The following ABR variants were observed in gnomAD, a reference collection of about 807,000 sequenced individuals.
ABR encodes active breakpoint cluster region-related protein.
A neutral mutation model predicts 107.2 loss-of-function variants in ABR; 35 were observed. That is an observed-to-expected ratio of 0.33 (90% CI 0.25 to 0.43). The LOEUF is 0.43. Among genes scored for constraint, ABR ranks in the 20% least tolerant of loss-of-function variants. ABR has a pLI of 1.00. For missense variants in ABR, 815 were observed against 1,115.2 expected (o/e 0.73, Z 3.83); for synonymous variants, 498 against 462.0 (o/e 1.08, Z -1.00).
chr17:1,012,578 G>A (rs772207754), intron 18 of ABR, 110 bp downstream of exon 18: 7 of 803,810 alleles, frequency 8.7e-6, no homozygotes, highest in South Asian at 1.4e-5. Flanking sequence ...CGAGCGGGGG[G>A]TAACTGATTA....
chr17:1,032,660 G>GCAGAGGACGCCACAGGCAACCACCCGTGT (rs1473480086), intron 16 of ABR, among the ~76,000 whole-genome samples: 4 of 149,060 alleles, frequency 2.7e-5, no homozygotes, highest in Non-Finnish European at 4.5e-5. Flanking sequence ...CGTGCTGGGC[G>GCAGAGGACGCCACAGGCAACCACCCGTGT]CCTTGAGAGA....
In ABR at chr17:1,117,117, CTCCCAG is replaced by C. The variant is rs2039032260; in HGVS notation, c.246+8060_246+8065del. Among the ~76,000 whole-genome samples, 2 of 116,460 alleles carry C rather than the reference CTCCCAG, an allele frequency of 1.7e-5. 1 individual carries two copies. Among genetic ancestry groups the C allele is most frequent in the Non-Finnish European group, 3.7e-5 (2 of 54,736 alleles). The allele number at this position is 116,460 out of a possible 152,430, so 76.4% of individuals were successfully genotyped here. On this transcript the variant is annotated intron_variant, in intron 2 of 22. Coordinates refer to ENST00000302538, the MANE Select transcript of ABR (RefSeq NM_021962.5). ...CAGCGTTATCCCTGAGCCTGAGTTC[CTCCCAG>C]CGTTATCCCTGAGCCTGAGTTCCTC...
chr17:1,097,350 G>A (rs2151323253), intron 3 of ABR, among the ~76,000 whole-genome samples: 1 of 152,248 alleles, frequency 6.6e-6, no homozygotes, highest in East Asian at 1.9e-4. Context: ...CAGCACTTTG[G>A]GAGGCCGAGG....
chr17:1,046,504 C>T lies in ABR; in HGVS notation c.1791+3546G>A, dbSNP rs548544280. On this transcript the variant is annotated intron_variant, in intron 16 of 22. Transcript: ENST00000302538. ...CAGGCTGGTCTCGAACTCCTGACCTCGTGATCAGCCCACCTCGGCCTCCTG... is the reference window on the plus strand; with the variant it reads ...CAGGCTGGTCTCGAACTCCTGACCTTGTGATCAGCCCACCTCGGCCTCCTG... Among the ~76,000 whole-genome samples the T allele has an allele frequency of 2.0e-5, 3 of 152,268 alleles. No individual in the cohort carries two copies. The South Asian group carries it at 6.2e-4, about 32-fold the overall frequency.
intron 1 of ABR, among the ~76,000 whole-genome samples, chr17:1,212,930 G>T (rs1288566359): frequency 1.3e-5 from 2 of 151,854 alleles, no homozygotes; most frequent in African/African-American, 2.4e-5. Context: ...TACTTGGGGA[G>T]AAGCTGTATC....
At chr17:1,129,158 C>T (rs563805647) in intron 1 of ABR, among the ~76,000 whole-genome samples, 159 of 152,222 alleles carry the variant, frequency 1.0e-3, no homozygotes, top group African/African-American at 3.8e-3. Context: ...TGGAGGGGAA[C>T]GTCACACACT....
At position 1,150,667 on chromosome 17, in the gene ABR, C is replaced by T. The variant is rs1363171905; in HGVS notation, c.62-25300G>A. On this transcript the variant is annotated intron_variant, in intron 1 of 22. Coordinates refer to ENST00000302538, the MANE Select transcript of ABR (RefSeq NM_021962.5). This position sits in a 1 kb window ranked among gnomAD's most constrained non-coding sequence, Gnocchi z 4.8. ...AGGGCCCTTCACAAGTTTGGGTGAA[C>T]ACTCCTGGTACACGGTCTGTGGTAA... Among the ~76,000 whole-genome samples the T allele has an allele frequency of 6.6e-6, 1 of 152,180 alleles. No homozygotes were observed. The highest frequency in any genetic ancestry group is 1.5e-5 in the Non-Finnish European group (1 of 68,040).
At chr17:1,039,955 G>A (rs1371472983) in intron 16 of ABR, among the ~76,000 whole-genome samples, 2 of 152,184 alleles carry the variant, frequency 1.3e-5, no homozygotes, top group African/African-American at 4.8e-5. Context: ...GGTTGGGGAC[G>A]GGAGAGATGG....
chr17:1,113,292 T>TG (rs1567780467), intron 2 of ABR, among the ~76,000 whole-genome samples: 2 of 142,916 alleles, frequency 1.4e-5, no homozygotes, highest in Non-Finnish European at 3.1e-5. Flanking sequence ...TTTTTTTTTT[T>TG]TTTTTTTTTT....
intron 16 of ABR, among the ~76,000 whole-genome samples, chr17:1,024,312 G>A (rs1231404572): frequency 5.3e-5 from 8 of 152,292 alleles, no homozygotes; most frequent in East Asian, 1.9e-4. Flanking sequence ...GCAGGAGCCC[G>A]GCGTCTCCAG....
chr17:1,125,634 C>T (rs936943277), intron 1 of ABR: 7 of 356,898 alleles, frequency 2.0e-5, no homozygotes, highest in South Asian at 2.4e-4. Flanking sequence ...GCATGTCAGC[C>T]GCGTATTTCA....
Position 1,225,006 on chromosome 17 carries a change from A to G in ABR, c.838+3787T>C, listed in dbSNP as rs868359703. Among the ~76,000 whole-genome samples the G allele has an allele frequency of 6.0e-4, 91 of 151,854 alleles. 1 individual carries two copies. In the Middle Eastern group the frequency reaches 0.017, roughly 28 times the overall value. ...CTACTAAAAATACAAAAAATTAGAC[A>G]GGCGTGGTGGCGGGCACCTGTAGTC... On this transcript the variant is annotated intron_variant, in intron 1 of 22. Coordinates refer to the ABR transcript ENST00000574139.
chr17:1,125,637 G>A (rs895286140), intron 1 of ABR: 2 of 355,904 alleles, frequency 5.6e-6, no homozygotes, highest in East Asian at 4.6e-5. Context: ...TGTCAGCCGC[G>A]TATTTCAAGC....
chr17:1,095,198 G>A (rs149422637), intron 3 of ABR, among the ~76,000 whole-genome samples: 11 of 152,272 alleles, frequency 7.2e-5, no homozygotes, highest in Admixed American at 1.3e-4. Context: ...AAGCCGCGAC[G>A]CGCTCATCTG....
At position 1,210,963 on chromosome 17, in the gene ABR, A is replaced by G. The variant is rs1394829543; in HGVS notation, c.838+17830T>C. 6.6e-6 allele frequency among the ~76,000 whole-genome samples: 1 copy of G among 152,200 alleles called. No homozygotes were observed. The highest frequency in any genetic ancestry group is 1.5e-5 in the Non-Finnish European group (1 of 68,038). ...TCTGGGGTGCTGGACTGGCTGCTGAAAAATCTCCCGAGCTTGTTAAAAACA... is the reference window on the plus strand; with the variant it reads ...TCTGGGGTGCTGGACTGGCTGCTGAGAAATCTCCCGAGCTTGTTAAAAACA... On this transcript the variant is annotated intron_variant, in intron 1 of 22. Transcript: ENST00000574139. This position sits in a 1 kb window ranked among gnomAD's most constrained non-coding sequence, Gnocchi z 5.6.
chr17:1,186,067 C>G (rs1455685436), intron 1 of ABR, among the ~76,000 whole-genome samples: 1 of 152,194 alleles, frequency 6.6e-6, no homozygotes, highest in Non-Finnish European at 1.5e-5. Flanking sequence ...GAACTCCCAA[C>G]CTCAGGTGAT....
rs143416900 is a variant in ABR at position 1,149,572 on chromosome 17, C to T, written c.62-24205G>A. Among the ~76,000 whole-genome samples, 658 of 152,210 alleles carry T rather than the reference C, an allele frequency of 4.3e-3. 31 individuals carry two copies. The East Asian group carries it at 0.11, about 25-fold the overall frequency. On this transcript the variant is annotated intron_variant, in intron 1 of 22. Transcript: ENST00000302538. ...AGGTGGGATTACAGGCATGCACCAC[C>T]ACACCCAGCTAATTTTTGTATTTTT... is the stretch of plus-strand genomic sequence containing the variant.
At chr17:1,173,287 CAA>C (rs2041806838) in intron 1 of ABR, among the ~76,000 whole-genome samples, 1 of 139,350 alleles carries the variant, frequency 7.2e-6, no homozygotes, top group Non-Finnish European at 1.6e-5. Context: ...TCAGCCCACC[CAA>C]CACATCACCT....
chr17:1,116,811 G>A (rs984233875), intron 2 of ABR, among the ~76,000 whole-genome samples: 5 of 152,208 alleles, frequency 3.3e-5, no homozygotes, highest in South Asian at 2.1e-4. Flanking sequence ...CCTGGCACAC[G>A]GGAGGGTCCA....
Sources: allele counts gnomAD v4.1 joint callset (sites outside exome capture counted in the v4.1 genomes callset), GRCh38; gene constraint gnomAD v4.1.1; non-coding constraint Gnocchi (gnomAD v3.1); transcripts MANE v1.5; gene names NCBI Gene and HGNC (gene_info 2026-07-23, HGNC 2026-07-21).